Variants in C12orf42 observed in about 807,000 individuals in gnomAD.
C12orf42 encodes uncharacterized protein C12orf42.
C12orf42 carries 25 observed loss-of-function variants against 21.6 expected under a neutral mutation model. The observed-to-expected ratio is 1.16, with a 90% CI of 0.84 to 1.62. The LOEUF (loss-of-function observed/expected upper bound fraction) is 1.62. Among genes scored for constraint, C12orf42 ranks in the 40% most tolerant of loss-of-function variants. The pLI is 0.00. For missense variants in C12orf42, 483 were observed against 459.3 expected (o/e 1.05, Z -0.47); for synonymous variants, 174 against 175.0 (o/e 0.99, Z 0.05).
At chr12:103,220,686 C>T in the C12orf42 span, among the ~76,000 whole-genome samples, 8 of 125,224 alleles carry the variant, frequency 6.4e-5, no homozygotes, top group South Asian at 6.1e-4. Context: ...TTGCTTTTGA[C>T]GAGTCGGCCT....
the C12orf42 span, among the ~76,000 whole-genome samples, chr12:103,047,757 G>A: frequency 6.6e-6 from 1 of 152,158 alleles, no homozygotes; most frequent in African/African-American, 2.4e-5. Context: ...GGCCAGCTGT[G>A]GGCTGGCTCA....
At chr12:103,148,537 T>C in the C12orf42 span, among the ~76,000 whole-genome samples, 2 of 152,296 alleles carry the variant, frequency 1.3e-5, no homozygotes, top group South Asian at 2.1e-4. Flanking sequence ...GTTCCCTGAG[T>C]CTCTGGACCA....
intron 2 of C12orf42, among the ~76,000 whole-genome samples, chr12:103,473,060 C>A (rs1953752404): frequency 6.6e-6 from 1 of 152,194 alleles, no homozygotes; most frequent in African/African-American, 2.4e-5. Context: ...CAGTGTGAGA[C>A]AGACACAGAG....
chr12:103,501,162 T>C, the C12orf42 span, among the ~76,000 whole-genome samples: 2 of 152,204 alleles, frequency 1.3e-5, no homozygotes, highest in African/African-American at 4.8e-5. Flanking sequence ...TGTGGGCCGA[T>C]GGGCCTTGGA....
chr12:103,149,092 T>C, the C12orf42 span, among the ~76,000 whole-genome samples: 2 of 152,162 alleles, frequency 1.3e-5, no homozygotes, highest in African/African-American at 4.8e-5. Flanking sequence ...AAATATTTAC[T>C]TGTCTTCAGA....
chr12:103,346,084 A>T (rs2042597082), intron 4 of C12orf42, among the ~76,000 whole-genome samples: 1 of 152,190 alleles, frequency 6.6e-6, no homozygotes, highest in Non-Finnish European at 1.5e-5. Context: ...TATTAATTAC[A>T]ATTCTTCAAT....
intron 2 of C12orf42, among the ~76,000 whole-genome samples, chr12:103,471,700 C>T (rs1953620209): frequency 6.6e-6 from 1 of 152,190 alleles, no homozygotes; most frequent in Non-Finnish European, 1.5e-5. Flanking sequence ...TTGGTCTACA[C>T]CCCATGGTAA....
At chr12:103,521,933 T>A in the C12orf42 span, among the ~76,000 whole-genome samples, 1 of 152,174 alleles carries the variant, frequency 6.6e-6, no homozygotes, top group Admixed American at 6.5e-5. Context: ...CACAGAGTGG[T>A]GCTCAAAAGA....
downstream of C12orf42, chr12:103,267,897 G>A (rs1435548390): frequency 1.3e-5 from 2 of 152,112 alleles, no homozygotes; most frequent in African/African-American, 4.8e-5. Context: ...CTGAAGCAGA[G>A]AAGGAAAAAC....
chr12:103,546,361 T>A, the C12orf42 span, among the ~76,000 whole-genome samples: 1 of 152,236 alleles, frequency 6.6e-6, no homozygotes, highest in African/African-American at 2.4e-5. Flanking sequence ...GTGTTCCCTC[T>A]GAAAGGATCC....
At chr12:103,129,719 T>C in the C12orf42 span, among the ~76,000 whole-genome samples, 1 of 152,218 alleles carries the variant, frequency 6.6e-6, no homozygotes, top group Non-Finnish European at 1.5e-5. Context: ...TTGGAGGGCA[T>C]TCTAGCCCAG....
intron 4 of C12orf42, among the ~76,000 whole-genome samples, chr12:103,366,769 C>T (rs765476664): frequency 3.9e-5 from 6 of 152,040 alleles, no homozygotes; most frequent in Non-Finnish European, 5.9e-5. Context: ...TACCACCTTA[C>T]TCCCATAAGA....
the C12orf42 span, among the ~76,000 whole-genome samples, chr12:103,120,834 T>C: frequency 1.3e-5 from 2 of 150,998 alleles, no homozygotes; most frequent in East Asian, 3.9e-4. Context: ...ATAATAAAAT[T>C]ATTATTATAC....
intron 4 of C12orf42, among the ~76,000 whole-genome samples, chr12:103,316,276 G>C (rs1468067782): frequency 2.0e-5 from 3 of 151,748 alleles, no homozygotes; most frequent in South Asian, 2.1e-4. Flanking sequence ...GAAATCATGA[G>C]AGCAAGAAAA....
At chr12:103,353,030 G>A (rs759477225) in intron 4 of C12orf42, among the ~76,000 whole-genome samples, 21 of 152,086 alleles carry the variant, frequency 1.4e-4, no homozygotes, top group Non-Finnish European at 2.8e-4. Flanking sequence ...TAATCACCAT[G>A]TACTAAATGC....
the C12orf42 span, among the ~76,000 whole-genome samples, chr12:103,219,689 T>C: frequency 6.6e-6 from 1 of 152,128 alleles, no homozygotes; most frequent in African/African-American, 2.4e-5. Context: ...ATCAGAGAAA[T>C]GCAAATCAAA....
the C12orf42 span, among the ~76,000 whole-genome samples, chr12:103,184,630 C>A: frequency 3.3e-5 from 5 of 151,042 alleles, no homozygotes; most frequent in African/African-American, 4.9e-5. Flanking sequence ...CTTGGTTTCT[C>A]TTCTAGTTTA....
chr12:103,495,026 C>G (rs1267069020), intron 1 of C12orf42, among the ~76,000 whole-genome samples: 4 of 151,944 alleles, frequency 2.6e-5, no homozygotes, highest in Admixed American at 2.6e-4. Context: ...ACACATTTAA[C>G]AAGTGTCAAG....
the C12orf42 span, among the ~76,000 whole-genome samples, chr12:103,112,973 G>A: frequency 3.2e-3 from 489 of 152,314 alleles, 2 homozygotes; most frequent in African/African-American, 0.011. Context: ...TTGAATGACT[G>A]AAAGAATAAA....
Sources: gnomAD v4.1 joint callset for allele counts (sites outside exome capture counted in the v4.1 genomes callset) on GRCh38, gnomAD v4.1.1 for gene constraint, MANE v1.5 for transcripts, NCBI Gene and HGNC (gene_info 2026-07-23, HGNC 2026-07-21) for gene names.